FMN2: variants seen among roughly 807,000 people sequenced by gnomAD.
FMN2 encodes formin-2.
Under a neutral mutation model 142.3 loss-of-function variants are expected in FMN2, and 51 were observed. The observed-to-expected ratio is 0.36, with a 90% CI of 0.29 to 0.45. The LOEUF is 0.45. Ranked by LOEUF, FMN2 falls within the 20% of genes least tolerant of loss-of-function variation. The pLI, the probability that FMN2 is intolerant of heterozygous loss-of-function variation, is 1.00. For synonymous variants in FMN2, 882 were observed against 869.8 expected (o/e 1.01, Z -0.25); for missense variants, 1,936 against 2,122.8 (o/e 0.91, Z 1.73).
chr1:240,147,474 C>T (rs1450711914), intron 2 of FMN2, among the ~76,000 whole-genome samples: 1 of 152,108 alleles, frequency 6.6e-6, no homozygotes, highest in Non-Finnish European at 1.5e-5. Flanking sequence ...TCTTTAGTTC[C>T]TTCTCCACAA....
At chr1:240,253,856 A>G (rs1328928097) in intron 6 of FMN2, among the ~76,000 whole-genome samples, 1 of 151,792 alleles carries the variant, frequency 6.6e-6, no homozygotes, top group Non-Finnish European at 1.5e-5. Context: ...GATTTTTTTC[A>G]TCTGTAAGTG....
intron 2 of FMN2, among the ~76,000 whole-genome samples, chr1:240,124,507 T>A (rs1201528114): frequency 6.6e-6 from 1 of 152,168 alleles, no homozygotes; most frequent in Non-Finnish European, 1.5e-5. Context: ...AGGCAGAGTA[T>A]TGCCAGTCGT....
At chr1:240,170,846 A>C (rs1664673486) in intron 2 of FMN2, 26 of 819,990 alleles carry the variant, frequency 3.2e-5, no homozygotes, top group South Asian at 1.3e-4. Flanking sequence ...GACATCCATC[A>C]AGATAAATTT....
chr1:240,169,628 C>T (rs578149657), intron 2 of FMN2, among the ~76,000 whole-genome samples: 1 of 152,128 alleles, frequency 6.6e-6, no homozygotes, highest in African/African-American at 2.4e-5. Context: ...CCACACTTGG[C>T]TAATTTTTTT....
At chr1:240,431,835 C>T (rs1675189066) in intron 15 of FMN2, among the ~76,000 whole-genome samples, 1 of 150,556 alleles carries the variant, frequency 6.6e-6, no homozygotes, top group South Asian at 2.1e-4. Flanking sequence ...GTATTATCCA[C>T]TTTAGAAATT....
At chr1:240,171,536 A>T (rs1664702149) in intron 2 of FMN2, among the ~76,000 whole-genome samples, 1 of 152,250 alleles carries the variant, frequency 6.6e-6, no homozygotes, top group African/African-American at 2.4e-5. Flanking sequence ...CTACAAAAAA[A>T]ATACAGACTA....
intron 6 of FMN2, among the ~76,000 whole-genome samples, chr1:240,241,617 A>G (rs1667897958): frequency 6.6e-6 from 1 of 152,156 alleles, no homozygotes; most frequent in Non-Finnish European, 1.5e-5. Flanking sequence ...TATTATTTTT[A>G]CAGATGTGAT....
intron 7 of FMN2, among the ~76,000 whole-genome samples, chr1:240,283,727 A>G (rs1378183299): frequency 1.3e-5 from 2 of 152,138 alleles, no homozygotes; most frequent in Non-Finnish European, 2.9e-5. Context: ...ATTAATGTTA[A>G]AGGGTGGAAT....
At chr1:240,436,498 T>C (rs963317964) in intron 15 of FMN2, among the ~76,000 whole-genome samples, 1 of 152,040 alleles carries the variant, frequency 6.6e-6, no homozygotes, top group African/African-American at 2.4e-5. Context: ...CTGAGCAAAC[T>C]CACCTTAAAG....
At chr1:240,131,396 G>C (rs1310953771) in intron 2 of FMN2, among the ~76,000 whole-genome samples, 1 of 152,080 alleles carries the variant, frequency 6.6e-6, no homozygotes, top group Non-Finnish European at 1.5e-5. Context: ...GGAGTTTGCT[G>C]TGGGGAACAG....
At chr1:240,350,813 G>A (rs938995837) in intron 13 of FMN2, among the ~76,000 whole-genome samples, 1 of 152,214 alleles carries the variant, frequency 6.6e-6, no homozygotes, top group Non-Finnish European at 1.5e-5. Context: ...GAATGGATAA[G>A]TAGAAGTTCA....
chr1:240,419,186 T>G (rs2103138683), intron 15 of FMN2, among the ~76,000 whole-genome samples: 1 of 152,360 alleles, frequency 6.6e-6, no homozygotes, highest in East Asian at 1.9e-4. Context: ...TCTGACATTT[T>G]TACCCTGTGT....
chr1:240,468,354 T>G (rs1395792120), intron 16 of FMN2, among the ~76,000 whole-genome samples: 3 of 117,400 alleles, frequency 2.6e-5, no homozygotes, highest in African/African-American at 1.2e-4. Flanking sequence ...ATATATCTCT[T>G]CATGAATCAT....
intron 15 of FMN2, chr1:240,401,141 CAT>C (rs1673974154): frequency 7.3e-6 from 1 of 136,576 alleles, no homozygotes; most frequent in Non-Finnish European, 1.6e-5. Context: ...AAAAAAAAAA[CAT>C]AGACATGCAC....
At chr1:240,129,435 G>T (rs1267869067) in intron 2 of FMN2, among the ~76,000 whole-genome samples, 1 of 150,894 alleles carries the variant, frequency 6.6e-6, no homozygotes, top group Non-Finnish European at 1.5e-5. Context: ...AATTATTTTA[G>T]CTGATGATTT....
intron 13 of FMN2, among the ~76,000 whole-genome samples, chr1:240,337,586 T>C (rs1671608080): frequency 6.6e-6 from 1 of 152,214 alleles, no homozygotes; most frequent in Non-Finnish European, 1.5e-5. Flanking sequence ...TTTATCTCAA[T>C]ACCTTTCATA....
intron 8 of FMN2, among the ~76,000 whole-genome samples, chr1:240,314,644 C>T (rs868614758): frequency 5.9e-5 from 9 of 152,068 alleles, no homozygotes; most frequent in South Asian, 4.2e-4. Flanking sequence ...TGATCCTTGC[C>T]GCTATTTTTC....
chr1:240,244,902 G>C (rs927998715), intron 6 of FMN2, among the ~76,000 whole-genome samples: 6 of 152,148 alleles, frequency 3.9e-5, no homozygotes, highest in African/African-American at 1.4e-4. Flanking sequence ...TTTAAACAAG[G>C]TTTACTTATT....
At chr1:240,236,311 C>T (rs952203922) in intron 6 of FMN2, among the ~76,000 whole-genome samples, 1 of 152,146 alleles carries the variant, frequency 6.6e-6, no homozygotes, top group Non-Finnish European at 1.5e-5. Context: ...GCTTTAGTGA[C>T]TCTCACTCTC....
Sources: allele counts gnomAD v4.1 joint callset (sites outside exome capture counted in the v4.1 genomes callset), GRCh38; gene constraint gnomAD v4.1.1; transcripts MANE v1.5; gene names NCBI Gene and HGNC (gene_info 2026-07-23, HGNC 2026-07-21).